Variants in LRMDA observed in about 807,000 individuals in gnomAD.
LRMDA encodes leucine-rich melanocyte differentiation-associated protein.
A neutral mutation model predicts 29.8 loss-of-function variants in LRMDA; 18 were observed. That is an observed-to-expected ratio of 0.60 (90% CI 0.42 to 0.90). LRMDA has a LOEUF of 0.90. Ranked by LOEUF, LRMDA falls within the 40% of genes least tolerant of loss-of-function variation. The pLI, the probability that LRMDA is intolerant of heterozygous loss-of-function variation, is 0.00. For missense variants in LRMDA, 273 were observed against 273.9 expected (o/e 1.00, Z 0.02); for synonymous variants, 125 against 109.4 (o/e 1.14, Z -0.89).
At chr10:75,926,453 A>G (rs1206500209) in intron 2 of LRMDA, among the ~76,000 whole-genome samples, 1 of 152,220 alleles carries the variant, frequency 6.6e-6, no homozygotes, top group East Asian at 1.9e-4. Context: ...GTTCTAGGTT[A>G]TAGTAAGCCG....
intron 2 of LRMDA, among the ~76,000 whole-genome samples, chr10:75,756,837 A>G (rs541719117): frequency 6.6e-6 from 1 of 152,320 alleles, no homozygotes; most frequent in South Asian, 2.1e-4. Flanking sequence ...AAATGATTCT[A>G]AAGACTCTTT....
At chr10:76,545,159 C>CT (rs1053584592) in intron 6 of LRMDA, among the ~76,000 whole-genome samples, 2,190 of 131,568 alleles carry the variant, frequency 0.017, 58 homozygotes, top group African/African-American at 0.059. Context: ...TGAAAGGTTT[C>CT]TTTTTTTTTG....
At chr10:75,616,081 G>C (rs1841093941) in intron 2 of LRMDA, among the ~76,000 whole-genome samples, 1 of 152,154 alleles carries the variant, frequency 6.6e-6, no homozygotes, top group Admixed American at 6.5e-5. Context: ...AGTTCCACAT[G>C]GGTGGGGAGG....
intron 5 of LRMDA, among the ~76,000 whole-genome samples, chr10:76,265,131 A>G (rs1839990542): frequency 6.6e-6 from 1 of 152,142 alleles, no homozygotes; most frequent in South Asian, 2.1e-4. Context: ...ACTCTCTGTG[A>G]CTGAGTGCGT....
intron 6 of LRMDA, among the ~76,000 whole-genome samples, chr10:76,414,298 C>G (rs1049565912): frequency 3.3e-5 from 5 of 152,130 alleles, no homozygotes; most frequent in Admixed American, 3.3e-4. Context: ...CATACAAACT[C>G]TATTAGGACT....
intron 6 of LRMDA, among the ~76,000 whole-genome samples, chr10:76,403,015 C>T (rs1198748213): frequency 6.6e-6 from 1 of 151,732 alleles, no homozygotes; most frequent in Non-Finnish European, 1.5e-5. Context: ...AAATGGGCAC[C>T]TTATGGCCCA....
chr10:75,617,734 A>G (rs916175343), intron 2 of LRMDA, among the ~76,000 whole-genome samples: 1 of 152,164 alleles, frequency 6.6e-6, no homozygotes, highest in Non-Finnish European at 1.5e-5. Flanking sequence ...GGATTGCCCC[A>G]TGGGTTCCTT....
chr10:75,586,150 T>C (rs1359347936), intron 2 of LRMDA, among the ~76,000 whole-genome samples: 1 of 152,132 alleles, frequency 6.6e-6, no homozygotes, highest in African/African-American at 2.4e-5. Context: ...TGCTAATGTA[T>C]CCCTTCAAGA....
chr10:75,741,873 G>T (rs1263858979), intron 2 of LRMDA, among the ~76,000 whole-genome samples: 1 of 152,086 alleles, frequency 6.6e-6, no homozygotes, highest in Non-Finnish European at 1.5e-5. Context: ...TGGGGCCTTT[G>T]GGGGGTGATT....
At chr10:76,343,813 A>ATTTTTTTTTT (rs5786231) in intron 6 of LRMDA, among the ~76,000 whole-genome samples, 15 of 126,660 alleles carry the variant, frequency 1.2e-4, no homozygotes, top group African/African-American at 4.2e-4. Flanking sequence ...TTTACAGGTG[A>ATTTTTTTTTT]TTTTTTTTTT....
intron 3 of LRMDA, among the ~76,000 whole-genome samples, chr10:76,040,020 G>A (rs756459186): frequency 1.3e-5 from 2 of 152,190 alleles, no homozygotes; most frequent in Non-Finnish European, 2.9e-5. Flanking sequence ...GTTGGGTACT[G>A]TTGGTGAATA....
intron 5 of LRMDA, among the ~76,000 whole-genome samples, chr10:76,147,083 G>A (rs1370244293): frequency 6.6e-6 from 1 of 152,138 alleles, no homozygotes; most frequent in Non-Finnish European, 1.5e-5. Flanking sequence ...TCCCTTTGTG[G>A]GTAACCCGAC....
intron 2 of LRMDA, among the ~76,000 whole-genome samples, chr10:75,707,767 G>A (rs2132174570): frequency 6.6e-6 from 1 of 152,268 alleles, no homozygotes; most frequent in Admixed American, 6.5e-5. Flanking sequence ...GTGTCTCTAT[G>A]GCCCTGCCCC....
intron 5 of LRMDA, among the ~76,000 whole-genome samples, chr10:76,315,894 A>G (rs2132385668): frequency 6.6e-6 from 1 of 152,146 alleles, no homozygotes; most frequent in South Asian, 2.1e-4. Flanking sequence ...TTGAGCCCAT[A>G]GACACCCTCC....
chr10:76,475,409 G>T (rs1057281124), intron 6 of LRMDA, among the ~76,000 whole-genome samples: 2 of 151,942 alleles, frequency 1.3e-5, no homozygotes, highest in Non-Finnish European at 2.9e-5. Context: ...CAAGTCCTTA[G>T]AGACCTACAA....
intron 2 of LRMDA, among the ~76,000 whole-genome samples, chr10:75,541,757 A>AT (rs1393848705): frequency 6.6e-6 from 1 of 152,056 alleles, no homozygotes. Context: ...TAAGTGTCAA[A>AT]TTGGTAGCAA....
At chr10:75,867,743 T>G (rs1845044601) in intron 2 of LRMDA, among the ~76,000 whole-genome samples, 1 of 152,208 alleles carries the variant, frequency 6.6e-6, no homozygotes, top group Non-Finnish European at 1.5e-5. Context: ...TGATTCCCCT[T>G]TCTAGGTGCT....
intron 2 of LRMDA, among the ~76,000 whole-genome samples, chr10:75,821,768 CAAAAAACA>C (rs1844164051): frequency 8.2e-6 from 1 of 121,422 alleles, no homozygotes. Context: ...GACTCCATCT[CAAAAAACA>C]AACAAACAAA....
At chr10:76,180,895 GTT>G (rs968395597) in intron 5 of LRMDA, among the ~76,000 whole-genome samples, 23 of 152,260 alleles carry the variant, frequency 1.5e-4, no homozygotes, top group African/African-American at 5.1e-4. Context: ...CTGCTTCTGA[GTT>G]TAGGGGTGGG....
Sources: allele counts gnomAD v4.1 joint callset (sites outside exome capture counted in the v4.1 genomes callset), GRCh38; gene constraint gnomAD v4.1.1; transcripts MANE v1.5; gene names NCBI Gene and HGNC (gene_info 2026-07-23, HGNC 2026-07-21).